The following ZBTB38 variants were observed in gnomAD, a reference collection of about 807,000 sequenced individuals.
The protein encoded by ZBTB38 is zinc finger and BTB domain containing 38, also known as zinc finger and BTB domain-containing protein 38.
In ZBTB38, 20 loss-of-function variants were observed where a neutral mutation model predicts 76.8. The ratio of observed to expected loss-of-function variants is 0.26; its 90% CI spans 0.18 to 0.38. ZBTB38 has a LOEUF of 0.38. Among genes scored for constraint, ZBTB38 ranks in the 10% least tolerant of loss-of-function variants. ZBTB38 has a pLI of 1.00. For missense variants in ZBTB38, 1,082 were observed against 1,482.3 expected, an observed-to-expected ratio of 0.73 and a Z score of 4.43; for synonymous variants, 504 against 544.2, an observed-to-expected ratio of 0.93 and a Z score of 1.03.
intron 5 of ZBTB38, among the ~76,000 whole-genome samples, chr3:141,433,526 C>T (rs2078072593): frequency 6.6e-6 from 1 of 151,906 alleles, no homozygotes; most frequent in Admixed American, 6.6e-5. Context: ...CAGTTTTTGC[C>T]ACTACTTTTA....
intron 1 of ZBTB38, among the ~76,000 whole-genome samples, chr3:141,328,425 C>T (rs914650671): frequency 2.0e-5 from 3 of 152,208 alleles, no homozygotes; most frequent in Non-Finnish European, 4.4e-5. Context: ...CTTAATCTCT[C>T]TTTCTGTGAA....
Position 141,445,045 on chromosome 3 carries a change from A to G in ZBTB38, c.2657A>G (p.Asp886Gly). Reference protein sequence around the residue: ...PQGNDPEPSGDSPLGLCQSEC... With the variant: ...PQGNDPEPSGGSPLGLCQSEC... ...GGGAATGACCCAGAACCCAGTGGAGACAGCCCACTCGGGCTTTGCCAATCC... is the reference window on the plus strand; with the variant it reads ...GGGAATGACCCAGAACCCAGTGGAGGCAGCCCACTCGGGCTTTGCCAATCC... The change falls in exon 6 of 6, where the codon GAC (aspartate) becomes GGC (glycine). Residue 886 changes from aspartate to glycine, a missense_variant. Coordinates refer to ENST00000321464, the MANE Select transcript of ZBTB38 (RefSeq NM_001376113.1). This position sits in a 1 kb window ranked among gnomAD's most constrained non-coding sequence, Gnocchi z 6.5. The G allele has an allele frequency of 1.2e-6, 2 of 1,614,222 alleles. No individual in the cohort carries two copies. The highest frequency in any genetic ancestry group is 1.7e-6 in the Non-Finnish European group (2 of 1,180,034).
chr3:141,362,451 C>T (rs1281422682), intron 1 of ZBTB38, among the ~76,000 whole-genome samples: 1 of 152,004 alleles, frequency 6.6e-6, no homozygotes, highest in Non-Finnish European at 1.5e-5. Context: ...ATAAAATGAC[C>T]ACCAGCACAA....
intron 1 of ZBTB38, among the ~76,000 whole-genome samples, chr3:141,330,098 G>A (rs573768575): frequency 6.6e-6 from 1 of 152,140 alleles, no homozygotes; most frequent in South Asian, 2.1e-4. Context: ...TGGAAGAAAG[G>A]TGGCACAGTC....
chr3:141,400,906 G>A (rs530050430), intron 4 of ZBTB38, among the ~76,000 whole-genome samples: 26 of 152,304 alleles, frequency 1.7e-4, no homozygotes, highest in African/African-American at 5.8e-4. Flanking sequence ...AATCCAAAGC[G>A]GAATTGCCTT....
chr3:141,344,466 T>C (rs1264103826), intron 1 of ZBTB38, among the ~76,000 whole-genome samples: 1 of 152,220 alleles, frequency 6.6e-6, no homozygotes, highest in Non-Finnish European at 1.5e-5. Context: ...CCTCCAAGGC[T>C]GAAATGATCC....
At chr3:141,359,463 GC>G (rs1362001630) in intron 1 of ZBTB38, among the ~76,000 whole-genome samples, 2 of 152,192 alleles carry the variant, frequency 1.3e-5, no homozygotes, top group East Asian at 3.8e-4. Context: ...GCTGTGCCCA[GC>G]AAGAAGGAAG....
chr3:141,361,442 G>A (rs1175342030), intron 1 of ZBTB38, among the ~76,000 whole-genome samples: 1 of 152,132 alleles, frequency 6.6e-6, no homozygotes, highest in African/African-American at 2.4e-5. Context: ...GACTTCTCTG[G>A]TTTTATATAG....
intron 5 of ZBTB38, among the ~76,000 whole-genome samples, chr3:141,409,798 G>A (rs945654569): frequency 2.6e-5 from 4 of 152,216 alleles, no homozygotes; most frequent in Non-Finnish European, 5.9e-5. Flanking sequence ...TGTTCCCAGA[G>A]CCTATACCAG....
intron 5 of ZBTB38, among the ~76,000 whole-genome samples, chr3:141,436,283 C>CA (rs1355953674): frequency 6.6e-6 from 1 of 152,034 alleles, no homozygotes; most frequent in Admixed American, 6.6e-5. Context: ...TCTGTGGGTC[C>CA]AATGTTATTT....
intron 1 of ZBTB38, among the ~76,000 whole-genome samples, chr3:141,355,529 G>T (rs893843852): frequency 6.6e-6 from 1 of 152,108 alleles, no homozygotes; most frequent in Non-Finnish European, 1.5e-5. Context: ...TGCTGTGCTT[G>T]TCTCCCCTGG....
At chr3:141,371,817 AT>A (rs1355649709) in intron 2 of ZBTB38, among the ~76,000 whole-genome samples, 1 of 152,236 alleles carries the variant, frequency 6.6e-6, no homozygotes, top group African/African-American at 2.4e-5. Flanking sequence ...TAAGTTTAAC[AT>A]TTTATGTAAC....
rs976820911 is a variant in ZBTB38 at position 141,340,766 on chromosome 3, G to A, written c.-739+16310G>A. 7.9e-5 allele frequency among the ~76,000 whole-genome samples: 12 copies of A among 151,654 alleles called. No homozygotes were observed. The South Asian group carries it at 8.4e-4, about 11-fold the overall frequency. On this transcript the variant is annotated intron_variant, in intron 1 of 7. Transcript: ENST00000509842. ...CAAAAAATTAGCCGGGTGTGGTGGC[G>A]GGCACCTGTGGTCCCAGCTACTTGG... is the stretch of plus-strand genomic sequence containing the variant.
intron 2 of ZBTB38, among the ~76,000 whole-genome samples, chr3:141,373,851 C>T (rs1051462978): frequency 2.6e-5 from 4 of 152,180 alleles, no homozygotes; most frequent in East Asian, 1.9e-4. Flanking sequence ...TGATAAAGGC[C>T]GGGAGTGGTG....
At chr3:141,422,468 C>G (rs16851416) in intron 5 of ZBTB38, among the ~76,000 whole-genome samples, 3,568 of 152,274 alleles carry the variant, frequency 0.023, 65 homozygotes, top group East Asian at 0.057. Flanking sequence ...TGCTCCTATG[C>G]TGAAATTCTT....
At chr3:141,412,752 G>T (rs980112624) in intron 5 of ZBTB38, among the ~76,000 whole-genome samples, 1 of 151,670 alleles carries the variant, frequency 6.6e-6, no homozygotes, top group Non-Finnish European at 1.5e-5. Context: ...ACAGCTCACT[G>T]GAACTTAGCT....
At chr3:141,331,208 C>G (rs1942839704) in intron 1 of ZBTB38, among the ~76,000 whole-genome samples, 1 of 152,196 alleles carries the variant, frequency 6.6e-6, no homozygotes, top group African/African-American at 2.4e-5. Context: ...GAAGCATGCA[C>G]TATGCAATGT....
chr3:141,356,625 C>A (rs1943671776), intron 1 of ZBTB38, among the ~76,000 whole-genome samples: 1 of 151,530 alleles, frequency 6.6e-6, no homozygotes, highest in Non-Finnish European at 1.5e-5. Context: ...GAAACCAAGG[C>A]AGAGCAGCAT....
intron 1 of ZBTB38, among the ~76,000 whole-genome samples, chr3:141,358,985 G>C (rs1943743139): frequency 6.6e-6 from 1 of 152,240 alleles, no homozygotes; most frequent in Non-Finnish European, 1.5e-5. Context: ...TAGGAGGCCA[G>C]TGAGTAGCTG....
Sources: gnomAD v4.1 joint callset for allele counts (sites outside exome capture counted in the v4.1 genomes callset) on GRCh38, gnomAD v4.1.1 for gene constraint, Gnocchi (gnomAD v3.1) non-coding constraint, MANE v1.5 for transcripts, NCBI Gene and HGNC (gene_info 2026-07-23, HGNC 2026-07-21) for gene names.